The following SLC9B1 variants were observed in gnomAD, a reference collection of about 807,000 sequenced individuals.
The protein encoded by SLC9B1 is solute carrier family 9 member B1, also known as sodium/hydrogen exchanger 9B1.
A neutral mutation model predicts 51.7 loss-of-function variants in SLC9B1; 32 were observed. The observed-to-expected ratio is 0.62, with a 90% CI of 0.47 to 0.83. The LOEUF is 0.83. Among genes scored for constraint, SLC9B1 ranks in the 40% least tolerant of loss-of-function variants. The pLI is 0.00. For synonymous variants in SLC9B1, 145 were observed against 212.7 expected (o/e 0.68, Z 2.77); for missense variants, 406 against 613.2 (o/e 0.66, Z 3.57).
chr4:102,932,271 C>G lies in SLC9B1; in HGVS notation c.682G>C (p.Val228Leu), dbSNP rs900171387. ...GFVLGAVSPA[V>L]VVPYMMVLQE... The stretch of plus-strand genomic sequence containing the variant: ...AGCACCATCATGTAAGGGACAACAA[C>G]AGCAGGAGAGACAGCACCTAGAACA... Residue 228 changes from valine (V) to leucine (L), a missense_variant, in exon 7 of 12, where the codon GTT becomes CTT. Coordinates refer to ENST00000296422, the MANE Select transcript of SLC9B1 (RefSeq NM_139173.4). 3 of 1,611,826 alleles carry G rather than the reference C, an allele frequency of 1.9e-6. No individual in the cohort carries two copies. The highest frequency in any genetic ancestry group is 2.5e-6 in the Non-Finnish European group (3 of 1,179,776).
intron 1 of SLC9B1, among the ~76,000 whole-genome samples, chr4:103,008,663 ATGAGACATCGCACC>A (rs200664788): frequency 0.02 from 3,050 of 151,960 alleles, 120 homozygotes; most frequent in African/African-American, 0.071. Flanking sequence ...GATTACAGGC[ATGAGACATCGCACC>A]TGACCCTGAT....
At chr4:102,897,879 CTATGGAAGTTCA>C (rs1734612029), downstream of SLC9B1, 1 of 362,190 alleles carries the variant, frequency 2.8e-6, no homozygotes, top group Admixed American at 3.7e-5. Context: ...TATAAATATG[CTATGGAAGTTCA>C]CAATCCTCAA....
intron 3 of SLC9B1, among the ~76,000 whole-genome samples, chr4:102,967,847 A>G (rs1738513716): frequency 6.6e-6 from 1 of 152,188 alleles, no homozygotes; most frequent in South Asian, 2.1e-4. Flanking sequence ...CTGAAAACTA[A>G]AAAACATCAC....
intron 11 of SLC9B1, among the ~76,000 whole-genome samples, chr4:102,904,691 G>A (rs2110425006): frequency 6.6e-6 from 1 of 151,088 alleles, no homozygotes; most frequent in African/African-American, 2.4e-5. Context: ...AAAAAAATCA[G>A]AAAAAAAAGA....
intron 3 of SLC9B1, among the ~76,000 whole-genome samples, chr4:102,975,571 T>C (rs10006076): frequency 0.41 from 39,983 of 96,778 alleles, 8,994 homozygotes; most frequent in African/African-American, 0.51. Flanking sequence ...TATACATATA[T>C]ATATATATAT....
chr4:102,970,647 T>G (rs549128912), intron 3 of SLC9B1, among the ~76,000 whole-genome samples: 1 of 152,228 alleles, frequency 6.6e-6, no homozygotes, highest in Non-Finnish European at 1.5e-5. Flanking sequence ...ATATTAACCT[T>G]AAATGTAAAT....
At chr4:102,983,802 A>T (rs1281636487) in intron 3 of SLC9B1, among the ~76,000 whole-genome samples, 2 of 152,116 alleles carry the variant, frequency 1.3e-5, no homozygotes, top group Admixed American at 6.6e-5. Context: ...CTAAAGGCTT[A>T]TCAATTGTGT....
At chr4:103,003,206 T>C (rs558711906) in intron 1 of SLC9B1, among the ~76,000 whole-genome samples, 1 of 152,304 alleles carries the variant, frequency 6.6e-6, no homozygotes, top group South Asian at 2.1e-4. Context: ...TCCTTTCTAA[T>C]AAAGGAAAGA....
intron 11 of SLC9B1, among the ~76,000 whole-genome samples, chr4:102,904,993 A>C (rs957688999): frequency 2.0e-5 from 3 of 151,344 alleles, no homozygotes. Flanking sequence ...CAAAAAAAAA[A>C]ACAATAAAAA....
At chr4:102,914,696 G>A (rs1735498887) in intron 7 of SLC9B1, among the ~76,000 whole-genome samples, 2 of 152,252 alleles carry the variant, frequency 1.3e-5, no homozygotes, top group South Asian at 4.1e-4. Flanking sequence ...GGAGTCAGAG[G>A]AGCAAAAGGG....
At chr4:102,946,555 G>T in intron 5 of SLC9B1, 92 bp downstream of exon 5, 2 of 1,386,872 alleles carry the variant, frequency 1.4e-6, no homozygotes, top group Non-Finnish European at 2.0e-6. Flanking sequence ...GACTCTATTT[G>T]GAACAGGAAA....
chr4:102,934,294 TAG>T (rs1736607481), intron 6 of SLC9B1, among the ~76,000 whole-genome samples: 1 of 151,814 alleles, frequency 6.6e-6, no homozygotes, highest in Non-Finnish European at 1.5e-5. Context: ...GACATATAAA[TAG>T]ACAAAATAAA....
At chr4:102,963,133 A>G in intron 3 of SLC9B1, 1 of 361,376 alleles carries the variant, frequency 2.8e-6, no homozygotes, top group South Asian at 2.1e-5. Context: ...TAAGGAGCTC[A>G]GTGGCAGGAG....
chr4:102,963,132 C>T, intron 3 of SLC9B1: 1 of 361,616 alleles, frequency 2.8e-6, no homozygotes, highest in South Asian at 2.1e-5. Context: ...GTAAGGAGCT[C>T]AGTGGCAGGA....
chr4:103,003,176 T>C (rs1740616173), intron 1 of SLC9B1, among the ~76,000 whole-genome samples: 1 of 152,226 alleles, frequency 6.6e-6, no homozygotes, highest in Non-Finnish European at 1.5e-5. Context: ...TCTACTATCT[T>C]GTTTCTTCAG....
chr4:102,969,324 C>T (rs971369305), intron 3 of SLC9B1, among the ~76,000 whole-genome samples: 5 of 152,154 alleles, frequency 3.3e-5, no homozygotes, highest in African/African-American at 4.8e-5. Flanking sequence ...GTTCTGCAGC[C>T]TCCAATGGTG....
At chr4:102,903,593 A>G (rs1383555684) in intron 11 of SLC9B1, among the ~76,000 whole-genome samples, 1 of 152,292 alleles carries the variant, frequency 6.6e-6, no homozygotes, top group Non-Finnish European at 1.5e-5. Context: ...TAACATGATA[A>G]TAGAGGTTTT....
At chr4:102,949,112 A>ACG in intron 4 of SLC9B1, 145 bp downstream of exon 4, 1 of 673,774 alleles carries the variant, frequency 1.5e-6, no homozygotes, top group Non-Finnish European at 2.4e-6. Flanking sequence ...ACACACACAC[A>ACG]CACATACAGT....
chr4:102,939,121 G>C (rs1736861164), intron 6 of SLC9B1, among the ~76,000 whole-genome samples: 1 of 150,332 alleles, frequency 6.7e-6, no homozygotes, highest in South Asian at 2.1e-4. Context: ...AAATTGGATA[G>C]GTCACTAGCT....
Sources: gnomAD v4.1 joint callset for allele counts (sites outside exome capture counted in the v4.1 genomes callset) on GRCh38, gnomAD v4.1.1 for gene constraint, MANE v1.5 for transcripts, NCBI Gene and HGNC (gene_info 2026-07-23, HGNC 2026-07-21) for gene names.